Variants in RNF130 observed in about 807,000 individuals in gnomAD.
RNF130 encodes the protein E3 ubiquitin-protein ligase RNF130.
A neutral mutation model predicts 44.6 loss-of-function variants in RNF130; 21 were observed. The observed-to-expected ratio is 0.47, with a 90% confidence interval of 0.33 to 0.68. The LOEUF is 0.68. Ranked by LOEUF, RNF130 falls within the 30% of genes least tolerant of loss-of-function variation. RNF130 has a pLI of 0.02. For synonymous variants in RNF130, 214 were observed against 210.4 expected (o/e 1.02, Z -0.15); for missense variants, 479 against 560.6 (o/e 0.85, Z 1.47).
At chr5:179,916,501 G>T (rs1263596933) in exon 8 of RNF130, 1 of 152,228 alleles carries the variant, frequency 6.6e-6, no homozygotes, top group Non-Finnish European at 1.5e-5. Flanking sequence ...GTAAAATTCA[G>T]TAATCTCGTT....
At chr5:180,066,690 A>G (rs1765114823) in intron 1 of RNF130, among the ~76,000 whole-genome samples, 1 of 152,100 alleles carries the variant, frequency 6.6e-6, no homozygotes, top group Non-Finnish European at 1.5e-5. Flanking sequence ...ACAAAAAATT[A>G]GCCGTGCTTG....
At chr5:180,022,144 T>C (rs1271405364) in intron 2 of RNF130, among the ~76,000 whole-genome samples, 1 of 152,202 alleles carries the variant, frequency 6.6e-6, no homozygotes, top group Admixed American at 6.5e-5. Flanking sequence ...TTATTTGCCA[T>C]TACTAGTAAA....
chr5:179,946,717 C>T (rs894948323), intron 7 of RNF130, among the ~76,000 whole-genome samples: 4 of 152,058 alleles, frequency 2.6e-5, no homozygotes, highest in African/African-American at 4.8e-5. Context: ...CCACGCCCGG[C>T]TAATTTTTTT....
intron 1 of RNF130, among the ~76,000 whole-genome samples, chr5:180,061,233 G>C (rs1764978729): frequency 1.3e-5 from 2 of 152,220 alleles, no homozygotes; most frequent in African/African-American, 2.4e-5. Context: ...GGAAAACACT[G>C]GAAGTTTAAT....
intron 8 of RNF130, among the ~76,000 whole-genome samples, chr5:179,960,121 T>C (rs1293790884): frequency 6.6e-6 from 1 of 152,198 alleles, no homozygotes; most frequent in African/African-American, 2.4e-5. Flanking sequence ...AGTTGGTAAA[T>C]GTTGACATTT....
At chr5:180,025,536 T>C (rs1311461349) in intron 2 of RNF130, among the ~76,000 whole-genome samples, 1 of 152,234 alleles carries the variant, frequency 6.6e-6, no homozygotes. Flanking sequence ...ATGGAAGTTT[T>C]AAAATGGAAC....
intron 2 of RNF130, among the ~76,000 whole-genome samples, chr5:180,024,009 C>T (rs576148218): frequency 8.5e-5 from 13 of 152,334 alleles, no homozygotes; most frequent in Admixed American, 2.0e-4. Flanking sequence ...GCTAATGGTA[C>T]TTTACAAATC....
chr5:179,980,351 T>C, intron 3 of RNF130, 151 bp from the exon 4 acceptor site: 1 of 657,640 alleles, frequency 1.5e-6, no homozygotes. Context: ...GAAAAAATGG[T>C]GGCTGTATCA....
At chr5:179,946,351 C>A (rs942218237) in intron 7 of RNF130, among the ~76,000 whole-genome samples, 2 of 152,216 alleles carry the variant, frequency 1.3e-5, no homozygotes, top group Admixed American at 1.3e-4. Flanking sequence ...GTCAGGCCCC[C>A]CTCCTGACCC....
intron 3 of RNF130, among the ~76,000 whole-genome samples, chr5:179,986,411 T>TC (rs1384147710): frequency 6.6e-6 from 1 of 152,238 alleles, no homozygotes; most frequent in Non-Finnish European, 1.5e-5. Context: ...CTATGGCACT[T>TC]CATACAGGTC....
intron 1 of RNF130, among the ~76,000 whole-genome samples, chr5:180,047,507 G>A (rs1351951147): frequency 6.6e-6 from 1 of 152,150 alleles, no homozygotes; most frequent in Non-Finnish European, 1.5e-5. Context: ...CACTTTGGGA[G>A]GCCAAGGCAG....
intron 8 of RNF130, 28 bp from the exon 9 acceptor site, chr5:179,955,697 ATAAAT>A: frequency 6.5e-7 from 1 of 1,549,896 alleles, no homozygotes; most frequent in Non-Finnish European, 8.8e-7. Flanking sequence ...AAAAGAGGTC[ATAAAT>A]TAAAGAGTAG....
intron 6 of RNF130, among the ~76,000 whole-genome samples, chr5:179,970,056 G>A (rs966496279): frequency 2.0e-5 from 3 of 152,108 alleles, no homozygotes; most frequent in African/African-American, 4.8e-5. Flanking sequence ...CTCAGAAGGC[G>A]AGGTGGGAGG....
chr5:179,935,166 A>G lies in RNF130; in HGVS notation c.1151-14740T>C, dbSNP rs1761870592. Among the ~76,000 whole-genome samples the G allele has an allele frequency of 2.0e-5, 3 of 152,136 alleles. No individual in the cohort carries two copies. In the South Asian group the frequency reaches 6.2e-4, roughly 32 times the overall value. On this transcript the variant is annotated intron_variant, in intron 7 of 7. Coordinates refer to the RNF130 transcript ENST00000522208. ...CAAACATTTGGGGATCATTCTAATT[A>G]TCTTTTTGTTATTGATTTATAACTT...
chr5:180,004,982 C>T (rs1763429525), intron 3 of RNF130, among the ~76,000 whole-genome samples: 1 of 152,198 alleles, frequency 6.6e-6, no homozygotes, highest in Non-Finnish European at 1.5e-5. Flanking sequence ...AAGACACCAT[C>T]TGCCTGTGCC....
At chr5:180,061,991 T>C (rs763974960) in intron 1 of RNF130, among the ~76,000 whole-genome samples, 5 of 151,816 alleles carry the variant, frequency 3.3e-5, no homozygotes, top group Non-Finnish European at 5.9e-5. Flanking sequence ...GCTTCATCAA[T>C]GGAGACTTCT....
At chr5:179,931,972 A>G (rs1761814251) in intron 7 of RNF130, among the ~76,000 whole-genome samples, 1 of 152,180 alleles carries the variant, frequency 6.6e-6, no homozygotes, top group African/African-American at 2.4e-5. Flanking sequence ...TTTCTGAAGG[A>G]GCCAAGACAA....
At chr5:180,037,373 C>T (rs988218369) in intron 2 of RNF130, among the ~76,000 whole-genome samples, 18 of 152,140 alleles carry the variant, frequency 1.2e-4, no homozygotes, top group Admixed American at 6.5e-4. Context: ...TGTGCTCCAC[C>T]GTAGGCATCC....
chr5:179,932,966 C>A (rs889353654), intron 7 of RNF130, among the ~76,000 whole-genome samples: 5 of 152,022 alleles, frequency 3.3e-5, no homozygotes, highest in Non-Finnish European at 7.4e-5. Context: ...GAAAGAAGAC[C>A]AAAATGACCA....
Sources: gnomAD v4.1 joint callset for allele counts (sites outside exome capture counted in the v4.1 genomes callset) on GRCh38, gnomAD v4.1.1 for gene constraint, MANE v1.5 for transcripts, NCBI Gene and HGNC (gene_info 2026-07-23, HGNC 2026-07-21) for gene names.